COL25A1: variants seen among roughly 807,000 people sequenced by gnomAD.
COL25A1 encodes collagen type XXV alpha 1 chain.
Under a neutral mutation model 128.4 loss-of-function variants are expected in COL25A1, and 103 were observed. The ratio of observed to expected loss-of-function variants is 0.80; its 90% CI spans 0.68 to 0.94. COL25A1 has a LOEUF of 0.94. COL25A1 is among the 40% of genes least tolerant of loss of function. The pLI is 0.00. For missense variants in COL25A1, 745 were observed against 840.0 expected (o/e 0.89, Z 1.40); for synonymous variants, 279 against 277.2 (o/e 1.01, Z -0.06).
chr4:109,250,127 G>A (rs1014791746), intron 3 of COL25A1, among the ~76,000 whole-genome samples: 1 of 152,040 alleles, frequency 6.6e-6, no homozygotes, highest in Non-Finnish European at 1.5e-5. Context: ...TGAGCTCTTT[G>A]TCCTGGGGTA....
chr4:109,204,494 A>T (rs1310453253), intron 3 of COL25A1, among the ~76,000 whole-genome samples: 1 of 152,204 alleles, frequency 6.6e-6, no homozygotes, highest in African/African-American at 2.4e-5. Flanking sequence ...AGCAAAATAC[A>T]GTAATGGTTA....
At chr4:108,860,440 T>A (rs1225344935) in intron 23 of COL25A1, among the ~76,000 whole-genome samples, 1 of 152,138 alleles carries the variant, frequency 6.6e-6, no homozygotes, top group Non-Finnish European at 1.5e-5. Flanking sequence ...ATACTTGGCT[T>A]TCCCATCAGG....
intron 3 of COL25A1, among the ~76,000 whole-genome samples, chr4:109,084,390 T>G (rs1477480194): frequency 6.6e-6 from 1 of 152,164 alleles, no homozygotes; most frequent in African/African-American, 2.4e-5. Context: ...AAACTAAAAC[T>G]GTAATGAAGG....
At position 109,050,319 on chromosome 4, in the gene COL25A1, C is replaced by A. The variant is rs182994668; in HGVS notation, c.368-140G>T. On this transcript the variant is annotated intron_variant, in intron 3 of 37. Coordinates refer to ENST00000399132, the MANE Select transcript of COL25A1 (RefSeq NM_198721.4). ...AAAGGGATCAGATATTTGTAAAGGTCAGTATTGTCTTTAGTGTTTCAGCAA... is the reference window on the plus strand; with the variant it reads ...AAAGGGATCAGATATTTGTAAAGGTAAGTATTGTCTTTAGTGTTTCAGCAA... 7.5e-4 allele frequency: 461 copies of A among 617,682 alleles called. 1 individual carries two copies. In the African/African-American group the frequency reaches 8.3e-3, roughly 11 times the overall value. 38.3% of individuals were successfully genotyped at this position (617,682 alleles called of 1,614,324 possible).
intron 8 of COL25A1, among the ~76,000 whole-genome samples, chr4:108,954,288 C>T (rs534466516): frequency 6.6e-6 from 1 of 152,052 alleles, no homozygotes; most frequent in Non-Finnish European, 1.5e-5. Context: ...AAACTTTCTA[C>T]TTTTTGGTTT....
At chr4:109,207,958 A>G (rs1341053506) in intron 3 of COL25A1, among the ~76,000 whole-genome samples, 1 of 152,170 alleles carries the variant, frequency 6.6e-6, no homozygotes, top group Admixed American at 6.6e-5. Flanking sequence ...TCATTGAAAG[A>G]CCTCTTCTAG....
rs1193430521 is a variant in COL25A1 at position 109,302,031 on chromosome 4, C to A, written c.-12G>T. ...TTCTTCAGCAGCATCGTGGCGGGGT[C>A]GGCCGTCTCGGCTTCGCTTCCCACC... On this transcript the variant is annotated 5_prime_UTR_variant, in exon 2 of 38. Coordinates refer to ENST00000399132, the MANE Select transcript of COL25A1 (RefSeq NM_198721.4). 6.4e-7 allele frequency: 1 copy of A among 1,567,950 alleles called. No individual in the cohort carries two copies. The highest frequency in any genetic ancestry group is 2.1e-4 in the Middle Eastern group (1 of 4,828).
intron 3 of COL25A1, among the ~76,000 whole-genome samples, chr4:109,081,688 A>G (rs1451918988): frequency 6.6e-6 from 1 of 151,654 alleles, no homozygotes; most frequent in East Asian, 1.9e-4. Context: ...GGCAATCACT[A>G]ATCTATTTTG....
At chr4:109,209,334 GAA>G (rs11330834) in intron 3 of COL25A1, among the ~76,000 whole-genome samples, 126 of 151,320 alleles carry the variant, frequency 8.3e-4, no homozygotes, top group African/African-American at 2.5e-3. Context: ...GATAATGCCA[GAA>G]AAAAAAAATG....
chr4:108,878,246 A>T (rs1362917686), intron 19 of COL25A1, among the ~76,000 whole-genome samples: 2 of 152,004 alleles, frequency 1.3e-5, no homozygotes, highest in Non-Finnish European at 2.9e-5. Flanking sequence ...TAACCCCTCT[A>T]AAAAAACCTC....
chr4:108,986,145 A>T (rs1044753721), intron 6 of COL25A1, among the ~76,000 whole-genome samples: 5 of 152,154 alleles, frequency 3.3e-5, no homozygotes, highest in Non-Finnish European at 7.3e-5. Flanking sequence ...TTCCTGGATA[A>T]CTGGAATAAT....
chr4:109,101,806 A>C (rs1765918890), intron 3 of COL25A1, among the ~76,000 whole-genome samples: 1 of 152,176 alleles, frequency 6.6e-6, no homozygotes, highest in African/African-American at 2.4e-5. Context: ...AGACCCTTTC[A>C]ATGCTTCTCT....
chr4:108,916,533 G>C (rs1744894837), intron 13 of COL25A1, among the ~76,000 whole-genome samples: 1 of 152,018 alleles, frequency 6.6e-6, no homozygotes, highest in Non-Finnish European at 1.5e-5. Flanking sequence ...AAAATGAAAA[G>C]AAACAAAGAC....
intron 31 of COL25A1, among the ~76,000 whole-genome samples, chr4:108,839,475 C>A (rs1319829024): frequency 1.3e-5 from 2 of 152,118 alleles, no homozygotes; most frequent in African/African-American, 4.8e-5. Flanking sequence ...ATTGAGGACA[C>A]CATATTAAGG....
chr4:108,982,850 T>G (rs559600562), intron 6 of COL25A1, among the ~76,000 whole-genome samples: 2 of 152,320 alleles, frequency 1.3e-5, no homozygotes, highest in East Asian at 3.9e-4. Context: ...ATCTGAGCCC[T>G]GAACAAGGGA....
At position 109,276,588 on chromosome 4, in the gene COL25A1, T is replaced by C. The variant is rs1362135170; in HGVS notation, c.367+23995A>G. On this transcript the variant is annotated intron_variant, in intron 3 of 37. Coordinates refer to ENST00000399132, the MANE Select transcript of COL25A1 (RefSeq NM_198721.4). ...ACCTTGAAGAAGCCTTAGCAGGATC[T>C]CCAACAGGGTAGAAGAGGTTAGGGA... is the stretch of plus-strand genomic sequence containing the variant. 4.6e-5 allele frequency among the ~76,000 whole-genome samples: 7 copies of C among 152,178 alleles called. No homozygotes were observed. In the South Asian group the frequency reaches 6.2e-4, roughly 14 times the overall value.
intron 3 of COL25A1, among the ~76,000 whole-genome samples, chr4:109,257,605 T>C (rs1781164826): frequency 6.6e-6 from 1 of 152,198 alleles, no homozygotes; most frequent in Admixed American, 6.5e-5. Context: ...AGCAACTCTA[T>C]TAGTTAGGCT....
At chr4:109,236,207 T>C (rs1236457127) in intron 3 of COL25A1, among the ~76,000 whole-genome samples, 1 of 152,084 alleles carries the variant, frequency 6.6e-6, no homozygotes, top group East Asian at 1.9e-4. Flanking sequence ...TCTTCACTTT[T>C]GTAATATCAC....
chr4:108,921,164 C>T (rs1409323302), intron 11 of COL25A1, among the ~76,000 whole-genome samples: 4 of 151,944 alleles, frequency 2.6e-5, no homozygotes, highest in East Asian at 1.9e-4. Context: ...ACTGTGATAC[C>T]GAGTATATAC....
Sources: gnomAD v4.1 joint callset for allele counts (sites outside exome capture counted in the v4.1 genomes callset) on GRCh38, gnomAD v4.1.1 for gene constraint, MANE v1.5 for transcripts, NCBI Gene and HGNC (gene_info 2026-07-23, HGNC 2026-07-21) for gene names.